The following NRG1 variants were observed in gnomAD, a reference collection of about 807,000 sequenced individuals.
NRG1 encodes pro-neuregulin-1, membrane-bound isoform.
NRG1 carries 18 observed loss-of-function variants against 63.8 expected under a neutral mutation model. The ratio of observed to expected loss-of-function variants is 0.28; its 90% CI spans 0.19 to 0.42. The LOEUF (loss-of-function observed/expected upper bound fraction) is 0.42. Among genes scored for constraint, NRG1 ranks in the 10% least tolerant of loss-of-function variants. NRG1 has a pLI of 1.00. For missense variants in NRG1, 762 were observed against 814.7 expected (o/e 0.94, Z 0.79); for synonymous variants, 302 against 301.3 (o/e 1.00, Z -0.02).
chr8:32,450,590 A>AT (rs113223409), intron 1 of NRG1, among the ~76,000 whole-genome samples: 5 of 151,890 alleles, frequency 3.3e-5, no homozygotes, highest in African/African-American at 9.7e-5. Context: ...TATTTTTTGT[A>AT]TTTTTTGTAG....
intron 5 of NRG1, among the ~76,000 whole-genome samples, chr8:32,693,538 A>G (rs1812429296): frequency 6.7e-6 from 1 of 149,284 alleles, no homozygotes; most frequent in Non-Finnish European, 1.5e-5. Flanking sequence ...TTTTAAGTGA[A>G]TATTTTCATT....
intron 1 of NRG1, among the ~76,000 whole-genome samples, chr8:32,509,954 C>T (rs1828965537): frequency 1.3e-5 from 2 of 151,992 alleles, no homozygotes; most frequent in Admixed American, 1.3e-4. Context: ...AGAAATGTGG[C>T]CTTGCCTGTG....
intron 1 of NRG1, chr8:31,641,634 A>G (rs1042725942): frequency 2.0e-5 from 3 of 152,308 alleles, no homozygotes; most frequent in African/African-American, 7.2e-5. Flanking sequence ...ACTAATTTCT[A>G]TGATCTAAAT....
In NRG1 at chr8:31,946,193, A is replaced by G. The variant is rs930117204; in HGVS notation, c.37+306762A>G. Among the ~76,000 whole-genome samples the G allele has an allele frequency of 3.3e-5, 5 of 152,290 alleles. No homozygotes were observed. In the South Asian group the frequency reaches 6.2e-4, roughly 19 times the overall value. On this transcript the variant is annotated intron_variant, in intron 1 of 10. Transcript: ENST00000519301. ...TCTGACAGCATTTTTCCTTTATTAA[A>G]TCCCAGTTTTATTGACAGTTTTCAT...
Position 32,497,343 on chromosome 8 carries a change from A to T in NRG1, c.38-98485A>T, listed in dbSNP as rs535689845. On this transcript the variant is annotated intron_variant, in intron 1 of 10. Coordinates refer to the NRG1 transcript ENST00000519301. ...GCACCTGTAATCCCAGCTACTTGGG[A>T]GGCTGAGGCAGGAGAATCACTTGAA... Among the ~76,000 whole-genome samples the T allele has an allele frequency of 2.9e-4, 44 of 150,786 alleles. No individual in the cohort carries two copies. The South Asian group carries it at 4.1e-3, about 14-fold the overall frequency.
At chr8:31,930,242 T>A (rs1585849287) in intron 1 of NRG1, among the ~76,000 whole-genome samples, 1 of 152,278 alleles carries the variant, frequency 6.6e-6, no homozygotes, top group East Asian at 1.9e-4. Flanking sequence ...GAGCTAAAAG[T>A]CAATGAAAAG....
chr8:31,744,604 A>G (rs1230536880), intron 1 of NRG1, among the ~76,000 whole-genome samples: 2 of 151,914 alleles, frequency 1.3e-5, no homozygotes, highest in Non-Finnish European at 2.9e-5. Flanking sequence ...CATGAAGTTA[A>G]GGATCTTGAT....
intron 1 of NRG1, among the ~76,000 whole-genome samples, chr8:31,659,081 T>C (rs2130925607): frequency 6.6e-6 from 1 of 152,278 alleles, no homozygotes; most frequent in Admixed American, 6.5e-5. Context: ...TCATGCTCAC[T>C]GCAGTATGAG....
intron 1 of NRG1, among the ~76,000 whole-genome samples, chr8:32,447,809 G>A (rs1006882669): frequency 6.6e-6 from 1 of 150,944 alleles, no homozygotes; most frequent in Non-Finnish European, 1.5e-5. Flanking sequence ...GGAGGTCAAG[G>A]CTGCACCCTG....
chr8:32,664,360 T>C (rs1803608227), intron 5 of NRG1, among the ~76,000 whole-genome samples: 1 of 151,824 alleles, frequency 6.6e-6, no homozygotes, highest in Non-Finnish European at 1.5e-5. Flanking sequence ...GGCATCTTCA[T>C]ATTGCATGGA....
At chr8:32,660,509 A>G (rs898861234) in intron 5 of NRG1, among the ~76,000 whole-genome samples, 27 of 152,238 alleles carry the variant, frequency 1.8e-4, no homozygotes, top group African/African-American at 6.0e-4. Context: ...ACATTTTAAC[A>G]TATAATTTGC....
chr8:32,062,337 A>C (rs184933854), intron 1 of NRG1, among the ~76,000 whole-genome samples: 1 of 152,194 alleles, frequency 6.6e-6, no homozygotes, highest in Non-Finnish European at 1.5e-5. Context: ...TTGCTACTGA[A>C]TCAATAGGAT....
chr8:32,628,424 A>G (rs1247394676), intron 5 of NRG1, among the ~76,000 whole-genome samples: 2 of 152,132 alleles, frequency 1.3e-5, no homozygotes, highest in Non-Finnish European at 2.9e-5. Flanking sequence ...TCTCCAAGTT[A>G]TCTGTGAGAA....
chr8:32,650,655 C>CAAAA (rs59103241), intron 5 of NRG1, among the ~76,000 whole-genome samples: 6 of 57,820 alleles, frequency 1.0e-4, no homozygotes, highest in South Asian at 9.5e-4. Context: ...TAATGGAAAG[C>CAAAA]AAAAAAAAAA....
chr8:32,237,782 T>G (rs958266995), intron 1 of NRG1, among the ~76,000 whole-genome samples: 3 of 152,190 alleles, frequency 2.0e-5, no homozygotes, highest in Non-Finnish European at 4.4e-5. Flanking sequence ...TGGTTATTGT[T>G]ATCATTTCGT....
intron 1 of NRG1, among the ~76,000 whole-genome samples, chr8:31,876,194 T>A (rs991701430): frequency 1.3e-5 from 2 of 152,204 alleles, no homozygotes; most frequent in Non-Finnish European, 2.9e-5. Context: ...ACAACATTTG[T>A]AGTAAAATGA....
chr8:31,832,364 A>G (rs954590111), intron 1 of NRG1, among the ~76,000 whole-genome samples: 4 of 150,206 alleles, frequency 2.7e-5, no homozygotes, highest in Non-Finnish European at 5.9e-5. Flanking sequence ...TGCTCAGGTG[A>G]TCCTCCCACG....
intron 1 of NRG1, among the ~76,000 whole-genome samples, chr8:31,896,014 C>T (rs1331534221): frequency 6.6e-6 from 1 of 152,120 alleles, no homozygotes; most frequent in Non-Finnish European, 1.5e-5. Flanking sequence ...TTTCACAACT[C>T]TTGGAACGTG....
chr8:31,846,654 A>G (rs1362083453), intron 1 of NRG1, among the ~76,000 whole-genome samples: 1 of 152,230 alleles, frequency 6.6e-6, no homozygotes. Flanking sequence ...GGAATGTGTC[A>G]TAAGGGGAGT....
Sources: allele counts gnomAD v4.1 joint callset (sites outside exome capture counted in the v4.1 genomes callset), GRCh38; gene constraint gnomAD v4.1.1; transcripts MANE v1.5; gene names NCBI Gene and HGNC (gene_info 2026-07-23, HGNC 2026-07-21).